MET: variants seen among roughly 807,000 people sequenced by gnomAD.
MET encodes the protein hepatocyte growth factor receptor.
In MET, 48 loss-of-function variants were observed where a neutral mutation model predicts 133.1. That is an observed-to-expected ratio of 0.36 (90% CI 0.29 to 0.46). The LOEUF (loss-of-function observed/expected upper bound fraction) is 0.46. Among genes scored for constraint, MET ranks in the 20% least tolerant of loss-of-function variants. MET has a pLI of 1.00. For synonymous variants in MET, 628 were observed against 616.5 expected (o/e 1.02, Z -0.28); for missense variants, 1,442 against 1,695.9 (o/e 0.85, Z 2.63).
chr7:116,674,285 A>T (rs1425256990), intron 1 of MET, among the ~76,000 whole-genome samples: 1 of 152,226 alleles, frequency 6.6e-6, no homozygotes, highest in African/African-American at 2.4e-5. Context: ...TCAATACGAA[A>T]GCTCATAACT....
intron 17 of MET, among the ~76,000 whole-genome samples, chr7:116,779,340 C>T (rs1055815225): frequency 6.6e-5 from 10 of 152,314 alleles, no homozygotes; most frequent in African/African-American, 2.2e-4. Context: ...CAGATGCGTT[C>T]CTTGCTGTTC....
At chr7:116,769,065 GCAAGAAGGATGAAAGTAAACTACCCAACT>G (rs1405275048) in intron 11 of MET, among the ~76,000 whole-genome samples, 4 of 152,150 alleles carry the variant, frequency 2.6e-5, no homozygotes, top group African/African-American at 9.7e-5. Flanking sequence ...ACTCAAGTGT[GCAAGAAGGATGAAAGTAAACTACCCAACT>G]CAAACAAAAA....
intron 1 of MET, among the ~76,000 whole-genome samples, chr7:116,679,529 C>G (rs2116465919): frequency 6.6e-6 from 1 of 152,290 alleles, no homozygotes; most frequent in South Asian, 2.1e-4. Flanking sequence ...CTTCCTCCCA[C>G]CTTGACATGC....
intron 2 of MET, among the ~76,000 whole-genome samples, chr7:116,710,397 G>T (rs1438905380): frequency 6.6e-6 from 1 of 152,158 alleles, no homozygotes; most frequent in African/African-American, 2.4e-5. Context: ...GCTTTGAAAA[G>T]TAATACCGTA....
At chr7:116,774,346 A>G (rs924544589) in intron 14 of MET, among the ~76,000 whole-genome samples, 2 of 152,248 alleles carry the variant, frequency 1.3e-5, no homozygotes, top group African/African-American at 4.8e-5. Context: ...ATCACTGCAC[A>G]GTGGAGAATT....
intron 5 of MET, among the ~76,000 whole-genome samples, chr7:116,749,158 A>G (rs979621541): frequency 2.0e-5 from 3 of 152,226 alleles, no homozygotes; most frequent in Non-Finnish European, 1.5e-5. Context: ...AACACAAAAA[A>G]AGAAAATTTC....
At chr7:116,717,930 A>G (rs1584897421) in intron 2 of MET, among the ~76,000 whole-genome samples, 1 of 152,208 alleles carries the variant, frequency 6.6e-6, no homozygotes, top group Non-Finnish European at 1.5e-5. Flanking sequence ...TAAGTCAGGT[A>G]AAAAGAATCT....
intron 14 of MET, among the ~76,000 whole-genome samples, chr7:116,773,912 T>G (rs1426680947): frequency 1.3e-5 from 2 of 152,240 alleles, no homozygotes; most frequent in Non-Finnish European, 2.9e-5. Flanking sequence ...TTCTCCTGCT[T>G]ATTTGCAAAC....
intron 1 of MET, among the ~76,000 whole-genome samples, chr7:116,679,364 G>A (rs1796270216): frequency 6.6e-6 from 1 of 152,152 alleles, no homozygotes; most frequent in South Asian, 2.1e-4. Flanking sequence ...CTAAATATAT[G>A]ACATTTATTG....
intron 15 of MET, among the ~76,000 whole-genome samples, chr7:116,775,685 C>A (rs1219352205): frequency 6.6e-6 from 1 of 152,120 alleles, no homozygotes; most frequent in Non-Finnish European, 1.5e-5. Context: ...CCAGCCTGGG[C>A]AGCAGAGCGA....
chr7:116,733,179 A>T (rs1329825598), intron 3 of MET, among the ~76,000 whole-genome samples: 2 of 152,062 alleles, frequency 1.3e-5, no homozygotes, highest in African/African-American at 4.8e-5. Context: ...GCTCATATCT[A>T]TTATGTGTAA....
intron 10 of MET, among the ~76,000 whole-genome samples, chr7:116,761,585 A>G (rs1035075983): frequency 6.6e-6 from 1 of 152,176 alleles, no homozygotes; most frequent in African/African-American, 2.4e-5. Context: ...AATCATCTTC[A>G]TAACAAAATG....
At chr7:116,751,877 C>T (rs575343932) in intron 5 of MET, among the ~76,000 whole-genome samples, 8 of 152,008 alleles carry the variant, frequency 5.3e-5, no homozygotes, top group South Asian at 4.2e-4. Flanking sequence ...CTGGCTAACA[C>T]GGTGAAACCC....
intron 5 of MET, among the ~76,000 whole-genome samples, chr7:116,751,249 A>G (rs1330530750): frequency 6.6e-6 from 1 of 152,236 alleles, no homozygotes; most frequent in African/African-American, 2.4e-5. Flanking sequence ...GCCATAAAAA[A>G]GGATGAGTTC....
At chr7:116,753,344 T>C (rs1454700091) in intron 5 of MET, among the ~76,000 whole-genome samples, 1 of 152,220 alleles carries the variant, frequency 6.6e-6, no homozygotes, top group East Asian at 1.9e-4. Flanking sequence ...ATTTACAATA[T>C]GTCCCCACCC....
At chr7:116,672,861 G>C (rs1796023810) in intron 1 of MET, among the ~76,000 whole-genome samples, 1 of 152,148 alleles carries the variant, frequency 6.6e-6, no homozygotes, top group African/African-American at 2.4e-5. Flanking sequence ...GGCCCAGCAA[G>C]TTTTAAAGCT....
Position 116,783,347 on chromosome 7 carries a change from G to A in MET, c.3676G>A (p.Ala1226Thr). Residue 1226 changes from alanine to threonine, a missense_variant, in exon 19 of 21, where the codon GCC (alanine) becomes ACC (threonine). Ala to Thr is a moderately conservative substitution (Grantham distance 58). Around this residue, in one of 6 missense-constraint regions of MET, gnomAD observed 38 missense variants for 40.6 expected, o/e 0.94. Coordinates refer to ENST00000397752, the MANE Select transcript of MET (RefSeq NM_000245.4). ...AGTCAAGGTTGCTGATTTTGGTCTTGCCAGAGACATGTATGATAAAGAATA... is the reference window on the plus strand; with the variant it reads ...AGTCAAGGTTGCTGATTTTGGTCTTACCAGAGACATGTATGATAAAGAATA... ...FTVKVADFGL[A>T]RDMYDKEYYS... 6.2e-7 allele frequency: 1 copy of A among 1,614,076 alleles called. No homozygotes were observed. The highest frequency in any genetic ancestry group is 1.1e-5 in the South Asian group (1 of 91,080).
intron 2 of MET, chr7:116,724,298 A>C (rs1016675174): frequency 1.2e-5 from 2 of 171,672 alleles, no homozygotes; most frequent in Non-Finnish European, 2.5e-5. Context: ...GTGCTTCCCA[A>C]GTGAGGCAAT....
intron 3 of MET, among the ~76,000 whole-genome samples, chr7:116,736,743 G>GA (rs1793228401): frequency 6.6e-6 from 1 of 152,120 alleles, no homozygotes. Flanking sequence ...GGCCATTAAA[G>GA]AAAAAATATC....
Sources: gnomAD v4.1 joint callset for allele counts (sites outside exome capture counted in the v4.1 genomes callset) on GRCh38, gnomAD v4.1.1 for gene constraint, gnomAD v4.1.1 regional missense constraint, MANE v1.5 for transcripts, NCBI Gene and HGNC (gene_info 2026-07-23, HGNC 2026-07-21) for gene names.